CC2D1B: variants seen among roughly 807,000 people sequenced by gnomAD.
CC2D1B encodes coiled-coil and C2 domain-containing protein 1B.
CC2D1B carries 92 observed loss-of-function variants against 110.8 expected under a neutral mutation model. The ratio of observed to expected loss-of-function variants is 0.83; its 90% CI spans 0.70 to 0.99. The LOEUF (loss-of-function observed/expected upper bound fraction) is 0.99, where lower values mean the gene tolerates loss of function less well. Among genes scored for constraint, CC2D1B ranks in the 50% least tolerant of loss-of-function variants. CC2D1B has a pLI of 0.00. For missense variants in CC2D1B, 1,136 were observed against 1,089.0 expected (o/e 1.04, Z -0.61); for synonymous variants, 406 against 429.2 (o/e 0.95, Z 0.67).
Position 52,357,070 on chromosome 1 carries a change from G to A in CC2D1B, c.1809C>T (p.Asp603=). The change falls in exon 16 of 25, where the codon GAC becomes GAT. Residue 603 remains aspartate (D), a synonymous_variant. Transcript: ENST00000284376. ...CCTCCGCCTTCTGGGAGAGTCGCAG[G>A]TCCTCATGGTGGATGAGGATGAAGT... ...EGDFILIHHE[D]LRLSQKAEEV... is the part of the protein sequence containing the mutation. 1 of 1,611,348 alleles carries A rather than the reference G, an allele frequency of 6.2e-7. No individual in the cohort carries two copies. Among genetic ancestry groups the A allele is most frequent in the Middle Eastern group, 1.7e-4 (1 of 6,060 alleles).
intron 23 of CC2D1B, 161 bp downstream of exon 23, chr1:52,354,447 C>T: frequency 1.3e-6 from 1 of 743,604 alleles, no homozygotes; most frequent in Non-Finnish European, 2.4e-6. Flanking sequence ...CCTTCTGAAC[C>T]TCTCCATCTG....
Position 52,358,682 on chromosome 1 carries a change from T to G in CC2D1B, c.1330+4A>C, listed in dbSNP as rs1646708159. The G allele has an allele frequency of 6.2e-7, 1 of 1,612,926 alleles. No individual in the cohort carries two copies. Among genetic ancestry groups the G allele is most frequent in the Non-Finnish European group, 8.5e-7 (1 of 1,179,654 alleles). On this transcript the variant is annotated splice_donor_region_variant and intron_variant, in intron 12 of 24. Coordinates refer to ENST00000284376, the MANE Select transcript of CC2D1B (RefSeq NM_001330585.2). ...ACAGAGCCCCTAGGCCATGCCCCAC[T>G]TACCTGGAGGAACAGGCAATTCAGC...
rs114846692 is a variant in CC2D1B at position 52,355,942 on chromosome 1, C to T, written c.2055-98G>A. On this transcript the variant is annotated intron_variant, in intron 18 of 24. Transcript: ENST00000284376. Reference sequence around the variant, plus strand: ...GCCTGTCTGCCCAGCTGGGTGGTGACGGGAGGGAAGGCAGAGCTGGTATGC... The same window carrying T: ...GCCTGTCTGCCCAGCTGGGTGGTGATGGGAGGGAAGGCAGAGCTGGTATGC... The T allele has an allele frequency of 1.1e-4, 141 of 1,278,616 alleles. 2 individuals carry two copies. The highest frequency in any genetic ancestry group is 1.9e-4 in the Middle Eastern group (1 of 5,360). The allele number at this position is 1,278,616 out of a possible 1,614,324, so 79.2% of individuals were successfully genotyped here.
At chr1:52,356,138 C>T in intron 18 of CC2D1B, 48 bp downstream of exon 18, 7 of 1,507,688 alleles carry the variant, frequency 4.6e-6, no homozygotes, top group Non-Finnish European at 6.4e-6. Context: ...GGCTCCCAGC[C>T]TCCTGCCCCT....
chr1:52,361,847 A>G (rs1393792651), intron 3 of CC2D1B, among the ~76,000 whole-genome samples: 2 of 152,208 alleles, frequency 1.3e-5, no homozygotes, highest in Non-Finnish European at 2.9e-5. Flanking sequence ...ACCTCTGCCT[A>G]CGGTAGCCTG....
rs1216545629 is a variant in CC2D1B, at chr1:52,350,753, GTGTT to G, written c.*2468_*2471del. ...TCTCCAATGTTTGGATACTGTATTT[GTGTT>G]TGTTTTGAGACAGAGTCTTGCTCTG... is the stretch of plus-strand genomic sequence containing the variant. On this transcript the variant is annotated 3_prime_UTR_variant, in exon 25 of 25. Transcript: ENST00000284376. 6.6e-6 allele frequency: 1 copy of G among 152,148 alleles called. No individual in the cohort carries two copies. The highest frequency in any genetic ancestry group is 2.4e-5 in the African/African-American group (1 of 41,426). 9.4% of individuals were successfully genotyped at this position (152,148 alleles called of 1,614,324 possible).
At chr1:52,353,862 C>T in intron 23 of CC2D1B, 1 of 491,112 alleles carries the variant, frequency 2.0e-6, no homozygotes, top group Non-Finnish European at 3.6e-6. Context: ...ATAAATAAAT[C>T]CAGACAAGCA....
chr1:52,364,858 T>A (rs77810096), intron 1 of CC2D1B, among the ~76,000 whole-genome samples: 6,615 of 152,242 alleles, frequency 0.043, 224 homozygotes, highest in Non-Finnish European at 0.069. Context: ...GGACTCAAAT[T>A]TAAAAAGCAC....
chr1:52,353,843 A>C (rs554425856), intron 23 of CC2D1B, 196 bp from the exon 24 acceptor site: 3 of 522,580 alleles, frequency 5.7e-6, no homozygotes, highest in South Asian at 5.5e-5. Context: ...GAGTCTTATT[A>C]AAAAAGTAAT....
chr1:52,357,999 T>C, intron 13 of CC2D1B, 101 bp from the exon 14 acceptor site: 4 of 1,455,278 alleles, frequency 2.7e-6, no homozygotes, highest in East Asian at 2.3e-5. Context: ...ACTACATCGC[T>C]GTGTGACCTG....
intron 13 of CC2D1B, 195 bp downstream of exon 13, chr1:52,358,136 G>T: frequency 1.1e-6 from 1 of 932,586 alleles, no homozygotes; most frequent in Non-Finnish European, 1.6e-6. Flanking sequence ...CCGGGGCTCT[G>T]GGTTCAGAAA....
chr1:52,353,488 A>G (rs765528560), intron 24 of CC2D1B, 30 bp downstream of exon 24: 1 of 1,587,060 alleles, frequency 6.3e-7, no homozygotes, highest in Non-Finnish European at 8.5e-7. Flanking sequence ...GGAGGGGGCA[A>G]AGGTTCTGAA....
rs777349743 is a variant in CC2D1B, at chr1:52,362,764, C to A, written c.70-18G>T. On this transcript the variant is annotated intron_variant, in intron 2 of 24. Transcript: ENST00000284376. The stretch of plus-strand genomic sequence containing the variant: ...AGCCCCATCTGAGAGCAGAGCAGGA[C>A]TCTTAGGAACCACACAACAAGCAGG... 15 of 1,613,294 alleles carry A rather than the reference C, an allele frequency of 9.3e-6. No homozygotes were observed. The highest frequency in any genetic ancestry group is 1.3e-5 in the Non-Finnish European group (15 of 1,179,628).
chr1:52,365,375 T>C (rs761409377), intron 1 of CC2D1B, among the ~76,000 whole-genome samples: 9 of 152,374 alleles, frequency 5.9e-5, no homozygotes, highest in Middle Eastern at 6.8e-3. Context: ...AAAAGGCTCC[T>C]CCTTCGAGGC....
chr1:52,351,666 A>G lies in CC2D1B; in HGVS notation c.*1559T>C, dbSNP rs2147885988. The G allele has an allele frequency of 6.6e-6, 1 of 152,180 alleles. No homozygotes were observed. The highest frequency in any genetic ancestry group is 2.1e-4 in the South Asian group (1 of 4,820). 9.4% of individuals were successfully genotyped at this position (152,180 alleles called of 1,614,324 possible). On this transcript the variant is annotated 3_prime_UTR_variant, in exon 25 of 25. Coordinates refer to ENST00000284376, the MANE Select transcript of CC2D1B (RefSeq NM_001330585.2). The stretch of plus-strand genomic sequence containing the variant: ...TTTGGGAGGCTGAGGTGGGTGGATC[A>G]TGAGGTCAGGAGTTCGAGACCAGCC...
At chr1:52,358,215 C>T in intron 13 of CC2D1B, 116 bp downstream of exon 13, 2 of 1,420,658 alleles carry the variant, frequency 1.4e-6, no homozygotes, top group Middle Eastern at 1.9e-4. Context: ...TTTCTCTGTA[C>T]AGTGGAGGAA....
chr1:52,357,256 C>T, intron 15 of CC2D1B, 130 bp from the exon 16 acceptor site: 1 of 1,138,294 alleles, frequency 8.8e-7, no homozygotes, highest in Non-Finnish European at 1.3e-6. Context: ...AACTCATCGC[C>T]TCCCATTCTA....
Position 52,355,527 on chromosome 1 carries a change from C to T in CC2D1B, c.2188-78G>A, listed in dbSNP as rs764427021. On this transcript the variant is annotated intron_variant, in intron 20 of 24. Transcript: ENST00000284376. ...AGGGCAGGCACTGCAGCCACACCTC[C>T]CAGGGATGGGAAGAAAGTGAGCACA... is the stretch of plus-strand genomic sequence containing the variant. 79 of 1,608,436 alleles carry T rather than the reference C, an allele frequency of 4.9e-5. No homozygotes were observed. In the South Asian group the frequency reaches 8.2e-4, roughly 17 times the overall value.
rs199836169 is a variant in CC2D1B at position 52,356,361 on chromosome 1, C to G, written c.1937+23G>C. The stretch of plus-strand genomic sequence containing the variant: ...ATTTTCTGCTCCCCACCCTATGAGC[C>G]CAGCCCCAGCCCTTGCACTTACCGG... On this transcript the variant is annotated intron_variant, in intron 17 of 24. Coordinates refer to ENST00000284376, the MANE Select transcript of CC2D1B (RefSeq NM_001330585.2). 9.9e-6 allele frequency: 16 copies of G among 1,614,162 alleles called. No individual in the cohort carries two copies. The East Asian group carries it at 3.3e-4, about 34-fold the overall frequency.
Sources: gnomAD v4.1 joint callset for allele counts (sites outside exome capture counted in the v4.1 genomes callset) on GRCh38, gnomAD v4.1.1 for gene constraint, MANE v1.5 for transcripts, NCBI Gene and HGNC (gene_info 2026-07-23, HGNC 2026-07-21) for gene names.